The following PDE6A variants were observed in gnomAD, a reference collection of about 807,000 sequenced individuals.
PDE6A encodes rod cGMP-specific 3',5'-cyclic phosphodiesterase subunit alpha.
A neutral mutation model predicts 106.3 loss-of-function variants in PDE6A; 84 were observed. The observed-to-expected ratio is 0.79, with a 90% CI of 0.66 to 0.95. The LOEUF is 0.95. PDE6A is among the 40% of genes least tolerant of loss of function. PDE6A has a pLI of 0.00. For missense variants in PDE6A, 1,052 were observed against 1,084.9 expected, an observed-to-expected ratio of 0.97 and a Z score of 0.43; for synonymous variants, 394 against 386.6, an observed-to-expected ratio of 1.02 and a Z score of -0.23.
intron 8 of PDE6A, among the ~76,000 whole-genome samples, chr5:149,903,147 T>TAAAAAA (rs373566897): frequency 6.6e-5 from 6 of 90,968 alleles, no homozygotes; most frequent in African/African-American, 8.4e-5. Flanking sequence ...AGACCCTCTC[T>TAAAAAA]AAAAAAAAAA....
At chr5:149,867,952 G>C in intron 18 of PDE6A, 143 bp downstream of exon 18, 2 of 1,100,234 alleles carry the variant, frequency 1.8e-6, no homozygotes, top group Non-Finnish European at 2.8e-6. Context: ...CTGGAGAGAC[G>C]TAAAATGATT....
intron 20 of PDE6A, among the ~76,000 whole-genome samples, chr5:149,864,570 CA>C (rs1760259038): frequency 6.6e-6 from 1 of 152,178 alleles, no homozygotes; most frequent in Admixed American, 6.5e-5. Context: ...GCTCTTTGAG[CA>C]TAGCACATTA....
At chr5:149,890,016 C>T (rs1752487412) in intron 13 of PDE6A, among the ~76,000 whole-genome samples, 1 of 146,462 alleles carries the variant, frequency 6.8e-6, no homozygotes, top group African/African-American at 2.5e-5. Context: ...AGTGCAGTGG[C>T]ACGATCTCAA....
rs766767235 is a variant in PDE6A at position 149,866,206 on chromosome 5, G to A, written c.2322C>T (p.Val774=). The A allele has an allele frequency of 9.3e-6, 15 of 1,614,142 alleles. No individual in the cohort carries two copies. Among genetic ancestry groups the A allele is most frequent in the Admixed American group, 1.7e-5 (1 of 60,020 alleles). The change falls in exon 20 of 22, where the codon GTC becomes GTT. Residue 774 remains valine, a synonymous_variant. Transcript: ENST00000255266. ...AGGTGCAAACAAAGTCAATGAAGCC[G>A]ACTTGAAGCTTAGGGAGTTCATCTG... ...NKADELPKLQ[V]GFIDFVCTFV...
chr5:149,888,887 T>C (rs1188984596), intron 13 of PDE6A, among the ~76,000 whole-genome samples: 4 of 151,542 alleles, frequency 2.6e-5, no homozygotes, highest in Admixed American at 6.6e-5. Context: ...ATCGAGACCA[T>C]CCTGGCTAAC....
At chr5:149,940,484 C>CAA (rs1021663539) in intron 1 of PDE6A, among the ~76,000 whole-genome samples, 5 of 145,990 alleles carry the variant, frequency 3.4e-5, no homozygotes, top group African/African-American at 1.3e-4. Context: ...AGCCCAAGAC[C>CAA]AAAAGATACC....
rs1245229365 is a variant in PDE6A at position 149,858,438 on chromosome 5, G to A, written c.*2457C>T. On this transcript the variant is annotated 3_prime_UTR_variant, in exon 22 of 22. Coordinates refer to ENST00000255266, the MANE Select transcript of PDE6A (RefSeq NM_000440.3). ...CTGATCAGGCCAGTGCATTCCGCTA[G>A]GTATTGCATACTTGCCAGAACATAC... The A allele has an allele frequency of 6.6e-6, 1 of 152,160 alleles. No homozygotes were observed. 9.4% of individuals were successfully genotyped at this position (152,160 alleles called of 1,614,324 possible).
intron 10 of PDE6A, among the ~76,000 whole-genome samples, chr5:149,896,996 G>A (rs1025818337): frequency 6.6e-6 from 1 of 152,186 alleles, no homozygotes; most frequent in African/African-American, 2.4e-5. Flanking sequence ...TGTTATTAAT[G>A]CTTCTGATCT....
intron 16 of PDE6A, 51 bp from the exon 17 acceptor site, chr5:149,883,587 C>T (rs1761012419): frequency 8.5e-7 from 1 of 1,180,214 alleles, no homozygotes; most frequent in Non-Finnish European, 1.3e-6. Flanking sequence ...AATAAGGCAA[C>T]ACCTGAGCTG....
intron 10 of PDE6A, among the ~76,000 whole-genome samples, chr5:149,897,394 C>T (rs1752794642): frequency 6.6e-6 from 1 of 152,190 alleles, no homozygotes; most frequent in African/African-American, 2.4e-5. Context: ...TTCACCGAGG[C>T]TGTGCCCCGA....
At chr5:149,909,825 T>C (rs917849274) in intron 6 of PDE6A, among the ~76,000 whole-genome samples, 1 of 152,242 alleles carries the variant, frequency 6.6e-6, no homozygotes, top group African/African-American at 2.4e-5. Context: ...TTGATTCTTT[T>C]ATCCATAGGT....
At chr5:149,884,745 C>G (rs373196790) in intron 15 of PDE6A, 35 bp downstream of exon 15, 1 of 1,577,964 alleles carries the variant, frequency 6.3e-7, no homozygotes, top group Admixed American at 1.7e-5. Flanking sequence ...CTGATCCAGG[C>G]CCCGCGGCCT....
At chr5:149,908,437 TC>T (rs1753271511) in intron 6 of PDE6A, among the ~76,000 whole-genome samples, 1 of 152,224 alleles carries the variant, frequency 6.6e-6, no homozygotes, top group Non-Finnish European at 1.5e-5. Context: ...CTATCAGTGG[TC>T]CATTAGAGTT....
chr5:149,905,288 T>C (rs1171627511), intron 7 of PDE6A, among the ~76,000 whole-genome samples: 1 of 152,030 alleles, frequency 6.6e-6, no homozygotes, highest in Admixed American at 6.6e-5. Flanking sequence ...ACTGCCTGTC[T>C]CCCTCTCCCT....
At chr5:149,917,914 C>T (rs903661697) in intron 5 of PDE6A, among the ~76,000 whole-genome samples, 2 of 152,154 alleles carry the variant, frequency 1.3e-5, no homozygotes, top group Non-Finnish European at 2.9e-5. Flanking sequence ...TATAGAGTCC[C>T]TGCCCCTTTG....
chr5:149,913,487 C>T (rs967440066), intron 6 of PDE6A, among the ~76,000 whole-genome samples: 2 of 152,090 alleles, frequency 1.3e-5, no homozygotes, highest in African/African-American at 2.4e-5. Flanking sequence ...GGCAGCTTCT[C>T]ATCCTCACCG....
At chr5:149,914,875 C>T in intron 6 of PDE6A, 68 bp downstream of exon 6, 1 of 1,040,682 alleles carries the variant, frequency 9.6e-7, no homozygotes, top group Non-Finnish European at 1.5e-6. Context: ...TCCAGAATCA[C>T]CGATAAAGCC....
At chr5:149,927,581 A>G (rs1431481874) in intron 4 of PDE6A, among the ~76,000 whole-genome samples, 3 of 151,896 alleles carry the variant, frequency 2.0e-5, no homozygotes, top group Non-Finnish European at 4.4e-5. Flanking sequence ...CCTGGCTTGT[A>G]ACTTTTTTAC....
In PDE6A at chr5:149,934,648, A is replaced by T. The variant is rs773613457; in HGVS notation, c.545T>A (p.Ile182Lys). ...GGCCACCACATCCTTCCCATTCATT[A>T]TGGGGGAAGCCAAGATGTTCTTGGT... ...YKTKNILASP[I>K]MNGKDVVAII... Residue 182 changes from isoleucine to lysine, a missense_variant, in exon 2 of 22, where the codon ATA (isoleucine) becomes AAA (lysine). Coordinates refer to ENST00000255266, the MANE Select transcript of PDE6A (RefSeq NM_000440.3). The T allele has an allele frequency of 1.9e-5, 31 of 1,614,066 alleles. No homozygotes were observed. The highest frequency in any genetic ancestry group is 2.6e-5 in the Non-Finnish European group (31 of 1,179,920).
Sources: allele counts gnomAD v4.1 joint callset (sites outside exome capture counted in the v4.1 genomes callset), GRCh38; gene constraint gnomAD v4.1.1; transcripts MANE v1.5; gene names NCBI Gene and HGNC (gene_info 2026-07-23, HGNC 2026-07-21).